Variants in GALNT17 observed in about 807,000 individuals in gnomAD.
The protein encoded by GALNT17 is polypeptide N-acetylgalactosaminyltransferase 17, also known as UDP-GalNAc:polypeptide N-acetylgalactosaminyltransferase-like 3.
In GALNT17, 29 loss-of-function variants were observed where a neutral mutation model predicts 63.7. That is an observed-to-expected ratio of 0.46 (90% CI 0.34 to 0.62). The LOEUF is 0.62. Ranked by LOEUF, GALNT17 falls within the 20% of genes least tolerant of loss-of-function variation. The probability of loss-of-function intolerance (pLI) is 0.01; values close to 1 mark genes in which losing one functional copy is unlikely to be tolerated. For synonymous variants in GALNT17, 305 were observed against 318.3 expected (o/e 0.96, Z 0.45); for missense variants, 603 against 799.6 (o/e 0.75, Z 2.97).
chr7:71,588,005 T>C (rs1001257822), intron 6 of GALNT17, among the ~76,000 whole-genome samples: 2 of 152,226 alleles, frequency 1.3e-5, no homozygotes, highest in African/African-American at 4.8e-5. Context: ...GAATTGGCCA[T>C]TTCTCTAAGG....
At chr7:71,166,736 T>G (rs764681017) in intron 1 of GALNT17, among the ~76,000 whole-genome samples, 1 of 152,236 alleles carries the variant, frequency 6.6e-6, no homozygotes, top group African/African-American at 2.4e-5. Flanking sequence ...ATTCTCTTGT[T>G]GAGGGCCATG....
intron 6 of GALNT17, among the ~76,000 whole-genome samples, chr7:71,662,352 G>A (rs538950888): frequency 1.4e-3 from 212 of 150,338 alleles, no homozygotes; most frequent in African/African-American, 4.9e-3. Flanking sequence ...CTGTCTGTCT[G>A]TCTATCTATC....
chr7:71,142,942 A>AC (rs1787943860), intron 1 of GALNT17, among the ~76,000 whole-genome samples: 1 of 11,214 alleles, frequency 8.9e-5, no homozygotes, highest in Non-Finnish European at 1.5e-4. Flanking sequence ...CTCTTGTCTC[A>AC]AAAAAAAAAA....
intron 1 of GALNT17, among the ~76,000 whole-genome samples, chr7:71,197,031 CT>C: frequency 6.6e-6 from 1 of 151,974 alleles, no homozygotes; most frequent in East Asian, 1.9e-4. Context: ...ACATGAGATA[CT>C]TTGATTCAGA....
At chr7:71,492,756 A>C (rs1469067779) in intron 5 of GALNT17, among the ~76,000 whole-genome samples, 1 of 152,222 alleles carries the variant, frequency 6.6e-6, no homozygotes, top group Non-Finnish European at 1.5e-5. Context: ...TGGACAATAG[A>C]GTGTTTGACG....
intron 5 of GALNT17, among the ~76,000 whole-genome samples, chr7:71,547,304 A>T (rs1030464268): frequency 2.0e-5 from 3 of 152,032 alleles, no homozygotes; most frequent in African/African-American, 7.2e-5. Flanking sequence ...ACCTGGGATT[A>T]CAGGCCCCTG....
At chr7:71,275,057 A>C (rs148566569) in intron 1 of GALNT17, among the ~76,000 whole-genome samples, 24 of 152,250 alleles carry the variant, frequency 1.6e-4, no homozygotes, top group Non-Finnish European at 3.1e-4. Flanking sequence ...CTCTTGAACA[A>C]ATCTACTGAG....
rs920681296 is a variant in GALNT17 at position 71,578,280 on chromosome 7, C to A, written c.1080+6878C>A. Among the ~76,000 whole-genome samples, 221 of 152,124 alleles carry A rather than the reference C, an allele frequency of 1.5e-3. 1 individual carries two copies. The highest frequency in any genetic ancestry group is 5.0e-3 in the African/African-American group (209 of 41,492). On this transcript the variant is annotated intron_variant, in intron 6 of 10. Transcript: ENST00000333538. ...GGAACTCCTGACCTCAGGTGATCCA[C>A]CCACCTCGGCCTCCCAAAGTGCTGG... is the stretch of plus-strand genomic sequence containing the variant.
intron 1 of GALNT17, among the ~76,000 whole-genome samples, chr7:71,311,874 C>T (rs1055185751): frequency 6.6e-6 from 1 of 152,134 alleles, no homozygotes; most frequent in African/African-American, 2.4e-5. Flanking sequence ...CTCATCTTTC[C>T]ACACTAGCTG....
intron 6 of GALNT17, among the ~76,000 whole-genome samples, chr7:71,579,098 T>C (rs1789585977): frequency 6.6e-6 from 1 of 152,230 alleles, no homozygotes; most frequent in African/African-American, 2.4e-5. Context: ...TTGGCACTGG[T>C]CAAGGTTGGA....
chr7:71,268,124 C>G (rs190690954), intron 1 of GALNT17, among the ~76,000 whole-genome samples: 1 of 152,232 alleles, frequency 6.6e-6, no homozygotes, highest in East Asian at 1.9e-4. Flanking sequence ...GCACTTCTCT[C>G]TAAGGAAAAG....
chr7:71,412,561 C>T (rs183223380), intron 3 of GALNT17, among the ~76,000 whole-genome samples: 18 of 152,096 alleles, frequency 1.2e-4, no homozygotes, highest in East Asian at 9.7e-4. Flanking sequence ...TTAATAGAGA[C>T]GGGGTTTCTC....
intron 1 of GALNT17, among the ~76,000 whole-genome samples, chr7:71,249,566 A>C (rs1790159625): frequency 6.6e-6 from 1 of 152,070 alleles, no homozygotes; most frequent in Admixed American, 6.6e-5. Context: ...AGCATAGGAA[A>C]CCTTTTTTCC....
intron 6 of GALNT17, among the ~76,000 whole-genome samples, chr7:71,614,798 G>GA (rs1274963163): frequency 7.1e-6 from 1 of 141,752 alleles, no homozygotes; most frequent in Non-Finnish European, 1.5e-5. Flanking sequence ...CAGAGAAAGA[G>GA]AAAAAAGTAA....
At chr7:71,662,820 T>C (rs991493649) in intron 6 of GALNT17, among the ~76,000 whole-genome samples, 4 of 152,248 alleles carry the variant, frequency 2.6e-5, no homozygotes, top group Non-Finnish European at 5.9e-5. Flanking sequence ...ACTCTTATGT[T>C]TTCTTCTAAG....
At position 71,321,876 on chromosome 7, in the gene GALNT17, T is replaced by TTCCC. The variant is rs1791614176; in HGVS notation, c.239-13671_239-13670insCTCC. 5.2e-5 allele frequency among the ~76,000 whole-genome samples: 3 copies of TTCCC among 57,710 alleles called. No homozygotes were observed. In the South Asian group the frequency reaches 3.1e-3, roughly 60 times the overall value. 37.9% of individuals were successfully genotyped at this position (57,710 alleles called of 152,430 possible). Reference sequence around the variant, plus strand: ...TTCCTTCCTTCCTTCCTTTCCTTCCTTCCTTCCTTCCTTCCTTCCTTCCTT... The same window carrying TTCCC: ...TTCCTTCCTTCCTTCCTTTCCTTCCTTCCCTCCTTCCTTCCTTCCTTCCTTCCTT... On this transcript the variant is annotated intron_variant, in intron 1 of 10. Transcript: ENST00000333538.
At chr7:71,686,785 C>T (rs1286298206) in intron 9 of GALNT17, among the ~76,000 whole-genome samples, 1 of 152,136 alleles carries the variant, frequency 6.6e-6, no homozygotes. Context: ...ATGTTCAAAC[C>T]TAACACGTTC....
chr7:71,259,631 G>GTTTTT (rs1164044325), intron 1 of GALNT17, among the ~76,000 whole-genome samples: 10 of 129,852 alleles, frequency 7.7e-5, no homozygotes, highest in African/African-American at 2.5e-4. Context: ...GTCCTGTTTT[G>GTTTTT]TTTTTTGTTT....
At chr7:71,250,069 A>G (rs767286914) in intron 1 of GALNT17, among the ~76,000 whole-genome samples, 2 of 152,238 alleles carry the variant, frequency 1.3e-5, no homozygotes, top group Non-Finnish European at 2.9e-5. Context: ...TCAGCCACAA[A>G]TCATTAATCA....
Sources: gnomAD v4.1 joint callset for allele counts (sites outside exome capture counted in the v4.1 genomes callset) on GRCh38, gnomAD v4.1.1 for gene constraint, MANE v1.5 for transcripts, NCBI Gene and HGNC (gene_info 2026-07-23, HGNC 2026-07-21) for gene names.